KCTD5: variants seen among roughly 807,000 people sequenced by gnomAD.
KCTD5 encodes the protein BTB/POZ domain-containing protein KCTD5.
A neutral mutation model predicts 27.9 loss-of-function variants in KCTD5; 12 were observed. The observed-to-expected ratio is 0.43, with a 90% CI of 0.28 to 0.70. The LOEUF (loss-of-function observed/expected upper bound fraction) is 0.70, where lower values mean the gene tolerates loss of function less well. KCTD5 is among the 30% of genes least tolerant of loss of function. The pLI is 0.19. For missense variants in KCTD5, 226 were observed against 274.8 expected (o/e 0.82, Z 1.26); for synonymous variants, 147 against 121.4 (o/e 1.21, Z -1.39).
Position 2,691,531 on chromosome 16 carries a change from G to A in KCTD5, c.253-4404G>A, listed in dbSNP as rs76556315. On this transcript the variant is annotated intron_variant, in intron 1 of 5. Coordinates refer to ENST00000301738, the MANE Select transcript of KCTD5 (RefSeq NM_018992.4). ...GGGCTGTGGGGGCAGCTGCAGGCCC[G>A]GCGCGCCGAGTCCACGCAGCCTGGG... is the stretch of plus-strand genomic sequence containing the variant. 3.2e-3 allele frequency among the ~76,000 whole-genome samples: 482 copies of A among 152,276 alleles called. 1 individual carries two copies. Among genetic ancestry groups the A allele is most frequent in the African/African-American group, 0.011 (437 of 41,560 alleles).
chr16:2,682,526 C>A lies in KCTD5; in HGVS notation c.-23C>A. 1 of 1,385,992 alleles carries A rather than the reference C, an allele frequency of 7.2e-7. No homozygotes were observed. Among genetic ancestry groups the A allele is most frequent in the South Asian group, 2.1e-5 (1 of 48,016 alleles). 85.9% of individuals were successfully genotyped at this position (1,385,992 alleles called of 1,614,324 possible). ...GCCGGACGCTTCCGGTGGAAGGGAG[C>A]TGTTGCGGGGCTTGCTGGGATCATG... is the stretch of plus-strand genomic sequence containing the variant. On this transcript the variant is annotated 5_prime_UTR_variant, in exon 1 of 6. In the 5' UTR this introduces an upstream ATG that the reference lacks. Transcript: ENST00000301738.
At chr16:2,698,853 G>A (rs1302583552) in intron 3 of KCTD5, among the ~76,000 whole-genome samples, 3 of 152,190 alleles carry the variant, frequency 2.0e-5, no homozygotes, top group African/African-American at 7.2e-5. Flanking sequence ...CCGCGCCCCG[G>A]GTCACCTTGT....
chr16:2,701,709 T>G (rs565423504), intron 4 of KCTD5, among the ~76,000 whole-genome samples: 1 of 152,336 alleles, frequency 6.6e-6, no homozygotes, highest in South Asian at 2.1e-4. Context: ...GCTGTCATGC[T>G]TATTGTGATT....
At chr16:2,687,069 C>G (rs1394856837) in intron 1 of KCTD5, among the ~76,000 whole-genome samples, 2 of 152,212 alleles carry the variant, frequency 1.3e-5, no homozygotes, top group Non-Finnish European at 2.9e-5. Context: ...GCGATGGTCC[C>G]TGCGGTGCTG....
At chr16:2,701,977 A>G (rs1177274139) in intron 4 of KCTD5, among the ~76,000 whole-genome samples, 1 of 152,146 alleles carries the variant, frequency 6.6e-6, no homozygotes, top group Non-Finnish European at 1.5e-5. Flanking sequence ...AGCTGGTCCC[A>G]GGCTCTTCCC....
chr16:2,706,098 C>T (rs1398806411), intron 5 of KCTD5, among the ~76,000 whole-genome samples: 2 of 152,198 alleles, frequency 1.3e-5, no homozygotes, highest in African/African-American at 4.8e-5. Context: ...GGGATGGGCT[C>T]CTCCGAGGCA....
chr16:2,688,175 G>A (rs2142052105), intron 1 of KCTD5, among the ~76,000 whole-genome samples: 1 of 150,564 alleles, frequency 6.6e-6, no homozygotes, highest in African/African-American at 2.5e-5. Context: ...GTGCCTGGCG[G>A]TCTTCATTTC....
chr16:2,687,205 C>T (rs577888394), intron 1 of KCTD5, among the ~76,000 whole-genome samples: 1 of 152,308 alleles, frequency 6.6e-6, no homozygotes, highest in East Asian at 1.9e-4. Flanking sequence ...CCATAAATTC[C>T]TGAGAAAAGG....
intron 1 of KCTD5, among the ~76,000 whole-genome samples, chr16:2,693,155 G>A (rs932141378): frequency 6.6e-5 from 10 of 152,196 alleles, no homozygotes; most frequent in African/African-American, 2.2e-4. Flanking sequence ...CCAGGCCCCC[G>A]AAGCACAGCC....
At chr16:2,688,910 G>A (rs1442033790) in intron 1 of KCTD5, among the ~76,000 whole-genome samples, 2 of 3,672 alleles carry the variant, frequency 5.4e-4, no homozygotes, top group African/African-American at 1.3e-3. Flanking sequence ...TCTCTGCAGC[G>A]ACCTCGGCTT....
At chr16:2,706,884 C>T (rs754181729) in intron 5 of KCTD5, among the ~76,000 whole-genome samples, 54 of 68,904 alleles carry the variant, frequency 7.8e-4, no homozygotes, top group Middle Eastern at 0.013. Flanking sequence ...CAGGAGGGTC[C>T]GGGCGTCGGG....
At chr16:2,704,822 C>T (rs953138093) in intron 5 of KCTD5, among the ~76,000 whole-genome samples, 8 of 152,334 alleles carry the variant, frequency 5.3e-5, no homozygotes, top group Admixed American at 3.3e-4. Context: ...AGCAGAGGCC[C>T]TCCTATCAGG....
chr16:2,701,813 A>T (rs1356663130), intron 4 of KCTD5, among the ~76,000 whole-genome samples: 1 of 152,242 alleles, frequency 6.6e-6, no homozygotes, highest in African/African-American at 2.4e-5. Context: ...CCAGAGAGAC[A>T]GGTTGGCCCT....
intron 2 of KCTD5, among the ~76,000 whole-genome samples, chr16:2,696,690 G>A (rs1353023450): frequency 3.3e-5 from 5 of 152,174 alleles, no homozygotes; most frequent in African/African-American, 9.7e-5. Context: ...CCGTGTCTGC[G>A]CATCGGTCTG....
At chr16:2,691,046 G>C (rs776601556) in intron 1 of KCTD5, among the ~76,000 whole-genome samples, 4 of 152,214 alleles carry the variant, frequency 2.6e-5, no homozygotes, top group Non-Finnish European at 4.4e-5. Flanking sequence ...ACATTAGGCC[G>C]ATCTGGAACA....
At chr16:2,697,241 G>A (rs1002407639) in intron 2 of KCTD5, 2 of 152,520 alleles carry the variant, frequency 1.3e-5, no homozygotes, top group South Asian at 2.1e-4. Flanking sequence ...CTGGAGGAAT[G>A]AAGACCACCC....
chr16:2,693,532 G>A (rs1301541355), intron 1 of KCTD5, among the ~76,000 whole-genome samples: 2 of 152,364 alleles, frequency 1.3e-5, no homozygotes, highest in Non-Finnish European at 2.9e-5. Flanking sequence ...CACGCTCAGT[G>A]CCCTGCCGGC....
At chr16:2,689,760 G>A (rs111523365) in intron 1 of KCTD5, among the ~76,000 whole-genome samples, 104 of 151,812 alleles carry the variant, frequency 6.9e-4, no homozygotes, top group Admixed American at 1.3e-3. Context: ...TCACTGCAAC[G>A]GGGCTGTCAG....
Position 2,689,904 on chromosome 16 carries a change from C to G in KCTD5, c.253-6031C>G, listed in dbSNP as rs561923629. 2.6e-5 allele frequency among the ~76,000 whole-genome samples: 4 copies of G among 152,308 alleles called. No individual in the cohort carries two copies. The South Asian group carries it at 6.2e-4, about 24-fold the overall frequency. ...TTGGTCAGGCTGGTGTTGAACTCCT[C>G]ACCTCAGGTAATCCGCCTGCCTTGG... On this transcript the variant is annotated intron_variant, in intron 1 of 5. Transcript: ENST00000301738.
Sources: allele counts gnomAD v4.1 joint callset (sites outside exome capture counted in the v4.1 genomes callset), GRCh38; gene constraint gnomAD v4.1.1; transcripts MANE v1.5; gene names NCBI Gene and HGNC (gene_info 2026-07-23, HGNC 2026-07-21).